Variants in SPATA13 observed in about 807,000 individuals in gnomAD.
SPATA13 encodes spermatogenesis-associated protein 13.
A neutral mutation model predicts 104.0 loss-of-function variants in SPATA13; 50 were observed. The observed-to-expected ratio is 0.48, with a 90% confidence interval of 0.38 to 0.61. SPATA13 has a LOEUF of 0.61. Ranked by LOEUF, SPATA13 falls within the 20% of genes least tolerant of loss-of-function variation. The pLI, the probability that SPATA13 is intolerant of heterozygous loss-of-function variation, is 0.00. For missense variants in SPATA13, 1,524 were observed against 1,690.6 expected (o/e 0.90, Z 1.73); for synonymous variants, 606 against 667.5 (o/e 0.91, Z 1.42).
At chr13:24,175,365 A>G (rs1334627371) in intron 1 of SPATA13, among the ~76,000 whole-genome samples, 1 of 152,214 alleles carries the variant, frequency 6.6e-6, no homozygotes, top group East Asian at 1.9e-4. Flanking sequence ...AAAAGTCTAC[A>G]TTGCCAATTT....
intron 3 of SPATA13, among the ~76,000 whole-genome samples, chr13:24,044,895 G>GGGTGGAGGTGGT (rs56953359): frequency 3.2e-5 from 4 of 125,598 alleles, no homozygotes; most frequent in Admixed American, 8.6e-5. Context: ...GAGGGGGTGG[G>GGGTGGAGGTGGT]GGTGGGGGTA....
In SPATA13 at chr13:24,286,875, G is replaced by A; in HGVS notation, c.2592G>A (p.Gln864=). 6.2e-7 allele frequency: 1 copy of A among 1,613,982 alleles called. No individual in the cohort carries two copies. The highest frequency in any genetic ancestry group is 8.5e-7 in the Non-Finnish European group (1 of 1,180,026). The stretch of plus-strand genomic sequence containing the variant: ...ACAGACACTGTGAGAACAAGCAGCA[G>A]ATGCGGACCAACGTCATCCGGGAGA... ...SRHRHCENKQ[Q]MRTNVIREIM... The change falls in exon 7 of 13, where the codon CAG becomes CAA. Residue 864 remains glutamine (Q), a synonymous_variant. Coordinates refer to ENST00000382108, the MANE Select transcript of SPATA13 (RefSeq NM_001166271.3). The surrounding 1 kb of genome is among the most constrained non-coding windows in gnomAD (Gnocchi z 4.9).
chr13:24,279,624 CAGTG>C (rs961744119), intron 4 of SPATA13, among the ~76,000 whole-genome samples: 1 of 152,148 alleles, frequency 6.6e-6, no homozygotes, highest in Non-Finnish European at 1.5e-5. Context: ...TCAGATCTGC[CAGTG>C]AGTGGGTCGT....
At chr13:24,012,736 G>A (rs747981599) in intron 2 of SPATA13, among the ~76,000 whole-genome samples, 2 of 152,256 alleles carry the variant, frequency 1.3e-5, no homozygotes, top group Non-Finnish European at 2.9e-5. Flanking sequence ...GGAATGGCAC[G>A]GGCATAGGAG....
intron 4 of SPATA13, among the ~76,000 whole-genome samples, chr13:24,260,330 A>C (rs1244426411): frequency 1.3e-5 from 2 of 152,230 alleles, no homozygotes; most frequent in African/African-American, 4.8e-5. Context: ...GTAGCCTAAG[A>C]GAAAATTACA....
At chr13:24,193,948 T>G (rs1220557) in intron 1 of SPATA13, among the ~76,000 whole-genome samples, 1 of 152,226 alleles carries the variant, frequency 6.6e-6, no homozygotes, top group East Asian at 1.9e-4. Flanking sequence ...GGTGGAAGCT[T>G]TGAGGACTAT....
At chr13:24,238,158 A>ACAGACTCTTGCTCTATTTTC (rs1566167059) in intron 2 of SPATA13, among the ~76,000 whole-genome samples, 1 of 89,206 alleles carries the variant, frequency 1.1e-5, no homozygotes, top group East Asian at 3.1e-4. Context: ...TTTTTTTGAG[A>ACAGACTCTTGCTCTATTTTC]CAGACTCTTG....
chr13:24,152,927 T>C lies in SPATA13; in HGVS notation c.-111-69892T>C, dbSNP rs148185496. On this transcript the variant is annotated intron_variant, in intron 3 of 14. Coordinates refer to the SPATA13 transcript ENST00000424834. ...TTCTTTCTCACTTTTACATTTTACA[T>C]TGAGACTTTCACCTCCGTGTAACCT... 2.7e-3 allele frequency among the ~76,000 whole-genome samples: 406 copies of C among 152,390 alleles called. 2 individuals carry two copies. Among genetic ancestry groups the C allele is most frequent in the African/African-American group, 9.3e-3 (385 of 41,588 alleles).
chr13:23,980,342 G>C (rs1874824220), intron 1 of SPATA13, among the ~76,000 whole-genome samples: 1 of 152,212 alleles, frequency 6.6e-6, no homozygotes, highest in Non-Finnish European at 1.5e-5. Context: ...TGTGTTGCCG[G>C]GCGACGGAGG....
chr13:24,064,022 G>C (rs1220481857), intron 3 of SPATA13, among the ~76,000 whole-genome samples: 1 of 152,142 alleles, frequency 6.6e-6, no homozygotes, highest in East Asian at 1.9e-4. Flanking sequence ...CCCTGGATCT[G>C]CTCCATCTCT....
At chr13:24,155,733 G>C (rs1224134900), upstream of SPATA13, among the ~76,000 whole-genome samples, 4 of 152,144 alleles carry the variant, frequency 2.6e-5, no homozygotes, top group African/African-American at 7.2e-5. Flanking sequence ...GTGCAATTCA[G>C]TACATTAAGT....
chr13:24,213,211 A>T (rs1349985127), intron 1 of SPATA13, among the ~76,000 whole-genome samples: 3 of 152,124 alleles, frequency 2.0e-5, no homozygotes. Context: ...TAGGGAGGAG[A>T]GTCACAGGAT....
intron 3 of SPATA13, among the ~76,000 whole-genome samples, chr13:24,057,024 TC>T (rs1593303065): frequency 3.3e-5 from 5 of 149,990 alleles, no homozygotes; most frequent in East Asian, 3.9e-4. Flanking sequence ...TCTCTCTCTC[TC>T]TCTCTCTTTC....
chr13:24,251,083 G>A (rs1873450839), intron 3 of SPATA13, among the ~76,000 whole-genome samples: 3 of 152,172 alleles, frequency 2.0e-5, no homozygotes, highest in Admixed American at 2.0e-4. Flanking sequence ...ATAGTTTTAG[G>A]GATCGCTATT....
In SPATA13 at chr13:24,286,333, G is replaced by A; in HGVS notation, c.2421G>A (p.Lys807=). 6.2e-7 allele frequency: 1 copy of A among 1,613,486 alleles called. No individual in the cohort carries two copies. Among genetic ancestry groups the A allele is most frequent in the Non-Finnish European group, 8.5e-7 (1 of 1,180,038 alleles). Residue 807 remains lysine (K), a synonymous_variant, in exon 6 of 13, where the codon AAG becomes AAA. Coordinates refer to ENST00000382108, the MANE Select transcript of SPATA13 (RefSeq NM_001166271.3). This position sits in a 1 kb window ranked among gnomAD's most constrained non-coding sequence, Gnocchi z 4.9. ...TCCAGGTTCTGGAAGCCTCCAACAA[G>A]GACTGGTGGTGGGGCCGCAGTGAAG... is the stretch of plus-strand genomic sequence containing the variant. ...DVIQVLEASN[K]DWWWGRSEDK...
Position 24,146,992 on chromosome 13 carries a change from G to A in SPATA13, c.-111-75827G>A, listed in dbSNP as rs560195779. ...AGAAATAAAGAGAAGAAAACATCTT[G>A]GCGAGTCTTGAAATATGTCAATAAA... is the stretch of plus-strand genomic sequence containing the variant. On this transcript the variant is annotated intron_variant, in intron 3 of 14. Coordinates refer to the SPATA13 transcript ENST00000424834. Among the ~76,000 whole-genome samples the A allele has an allele frequency of 1.7e-3, 257 of 151,540 alleles. 6 individuals carry two copies. The highest frequency in any genetic ancestry group is 4.3e-4 in the Non-Finnish European group (29 of 67,964).
At chr13:24,183,718 A>T (rs1354490288) in intron 1 of SPATA13, among the ~76,000 whole-genome samples, 1 of 151,394 alleles carries the variant, frequency 6.6e-6, no homozygotes, top group African/African-American at 2.4e-5. Context: ...AAGATTGGAC[A>T]CCCCTGCTTT....
At chr13:24,300,611 C>A in intron 12 of SPATA13, 136 bp downstream of exon 12, 1 of 759,480 alleles carries the variant, frequency 1.3e-6, no homozygotes, top group Non-Finnish European at 2.3e-6. Flanking sequence ...AGGGCAGGTC[C>A]AGAACAGGGG....
At chr13:24,195,825 T>C (rs1870024368) in intron 1 of SPATA13, among the ~76,000 whole-genome samples, 1 of 152,202 alleles carries the variant, frequency 6.6e-6, no homozygotes, top group East Asian at 1.9e-4. Context: ...TTAACACCTG[T>C]TAACAAGTTG....
Sources: allele counts gnomAD v4.1 joint callset (sites outside exome capture counted in the v4.1 genomes callset), GRCh38; gene constraint gnomAD v4.1.1; non-coding constraint Gnocchi (gnomAD v3.1); transcripts MANE v1.5; gene names NCBI Gene and HGNC (gene_info 2026-07-23, HGNC 2026-07-21).